The following DZIP1 variants were observed in gnomAD, a reference collection of about 807,000 sequenced individuals.
DZIP1 encodes DAZ interacting zinc finger protein 1.
Under a neutral mutation model 107.6 loss-of-function variants are expected in DZIP1, and 97 were observed. That is an observed-to-expected ratio of 0.90 (90% confidence interval 0.77 to 1.07). DZIP1 has a LOEUF of 1.07. DZIP1 is among the 50% of genes least tolerant of loss of function. DZIP1 has a pLI of 0.00. For synonymous variants in DZIP1, 390 were observed against 386.4 expected (o/e 1.01, Z -0.11); for missense variants, 1,035 against 1,063.6 (o/e 0.97, Z 0.37).
intron 10 of DZIP1, among the ~76,000 whole-genome samples, chr13:95,613,103 A>T (rs2139142770): frequency 6.6e-6 from 1 of 152,338 alleles, no homozygotes; most frequent in Middle Eastern, 3.4e-3. Flanking sequence ...GTCATGGAAG[A>T]TCATAGACTG....
chr13:95,596,632 C>T (rs960049047), intron 15 of DZIP1, among the ~76,000 whole-genome samples: 3 of 152,182 alleles, frequency 2.0e-5, no homozygotes, highest in African/African-American at 7.2e-5. Flanking sequence ...ACTCAACAAC[C>T]TGAAGCAGGC....
intron 14 of DZIP1, among the ~76,000 whole-genome samples, chr13:95,600,793 C>T (rs901230756): frequency 6.6e-6 from 1 of 152,112 alleles, no homozygotes; most frequent in African/African-American, 2.4e-5. Context: ...GTAAAATCAC[C>T]TAACTGCTGA....
In DZIP1 at chr13:95,582,173, A is replaced by T; in HGVS notation, c.*61T>A. 1 of 1,527,090 alleles carries T rather than the reference A, an allele frequency of 6.5e-7. No homozygotes were observed. Among genetic ancestry groups the T allele is most frequent in the Non-Finnish European group, 9.1e-7 (1 of 1,101,438 alleles). 94.6% of individuals were successfully genotyped at this position (1,527,090 alleles called of 1,614,324 possible). ...AGCACTAGAATCATGGAGGCAAATT[A>T]CTGAAACACTGTGATACTGAAATAC... On this transcript the variant is annotated 3_prime_UTR_variant, in exon 23 of 23. Transcript: ENST00000376829.
chr13:95,594,540 C>T (rs1429768254), intron 15 of DZIP1, among the ~76,000 whole-genome samples: 2 of 152,150 alleles, frequency 1.3e-5, no homozygotes, highest in African/African-American at 4.8e-5. Flanking sequence ...TGGCTCACAC[C>T]TGTAATCCCA....
intron 16 of DZIP1, among the ~76,000 whole-genome samples, chr13:95,592,768 A>G (rs2044346979): frequency 6.6e-6 from 1 of 152,228 alleles, no homozygotes; most frequent in Non-Finnish European, 1.5e-5. Flanking sequence ...TATTCACACA[A>G]TAGAATGCTA....
chr13:95,619,146 A>G lies in DZIP1; in HGVS notation c.1173+739T>C, dbSNP rs1594708567. ...GATTAAGTCACTTATGATACATCCAATAAGATCATCATGAAAGTCATTAAA... is the reference window on the plus strand; with the variant it reads ...GATTAAGTCACTTATGATACATCCAGTAAGATCATCATGAAAGTCATTAAA... On this transcript the variant is annotated intron_variant, in intron 10 of 22. Transcript: ENST00000376829. Among the ~76,000 whole-genome samples the G allele has an allele frequency of 2.0e-5, 3 of 152,242 alleles. 1 individual carries two copies. In the East Asian group the frequency reaches 5.8e-4, roughly 29 times the overall value.
At chr13:95,623,433 A>T (rs1400485591) in intron 8 of DZIP1, among the ~76,000 whole-genome samples, 3 of 152,220 alleles carry the variant, frequency 2.0e-5, no homozygotes, top group Admixed American at 2.0e-4. Context: ...AGCCAAGGTC[A>T]ATAGCAACAG....
chr13:95,622,265 GCA>G, intron 9 of DZIP1, 76 bp downstream of exon 9: 1 of 1,573,062 alleles, frequency 6.4e-7, no homozygotes, highest in Admixed American at 1.7e-5. Context: ...CACTTTTTCT[GCA>G]GATGACACTC....
intron 14 of DZIP1, among the ~76,000 whole-genome samples, chr13:95,604,564 G>T (rs1420112182): frequency 1.3e-5 from 2 of 152,200 alleles, no homozygotes; most frequent in Non-Finnish European, 2.9e-5. Flanking sequence ...GGCTAGTGAG[G>T]GTAGGGTCCC....
Position 95,609,536 on chromosome 13 carries a change from G to T in DZIP1, c.1364-23C>A. On this transcript the variant is annotated intron_variant, in intron 12 of 22. Transcript: ENST00000376829. ...TTCCTGAAATGACAGAAAAATAAAT[G>T]AACAAAAAACATCACAAGCTATGGA... 3 of 1,556,432 alleles carry T rather than the reference G, an allele frequency of 1.9e-6. No individual in the cohort carries two copies. In the South Asian group the frequency reaches 3.7e-5, roughly 19 times the overall value.
intron 5 of DZIP1, among the ~76,000 whole-genome samples, chr13:95,639,638 ATCT>A (rs1364338910): frequency 2.0e-5 from 3 of 150,340 alleles, no homozygotes; most frequent in African/African-American, 7.3e-5. Context: ...AAGAAAGAAA[ATCT>A]TCTCTTATAA....
Position 95,641,861 on chromosome 13 carries a change from G to C in DZIP1, c.37-6C>G, listed in dbSNP as rs1030123595. The C allele has an allele frequency of 2.1e-6, 3 of 1,446,932 alleles. No individual in the cohort carries two copies. Among genetic ancestry groups the C allele is most frequent in the Admixed American group, 3.1e-5 (1 of 32,542 alleles). The allele number at this position is 1,446,932 out of a possible 1,614,324, so 89.6% of individuals were successfully genotyped here. ...TAGACATGCTTCTGGAAGGGCTGCGGGGGGCACAAAGAGAGCGCGGCGGGA... is the reference window on the plus strand; with the variant it reads ...TAGACATGCTTCTGGAAGGGCTGCGCGGGGCACAAAGAGAGCGCGGCGGGA... On this transcript the variant is annotated splice_polypyrimidine_tract_variant and splice_region_variant and intron_variant, in intron 4 of 22. Transcript: ENST00000376829. The surrounding 1 kb of genome is among the most constrained non-coding windows in gnomAD (Gnocchi z 4.3).
intron 7 of DZIP1, among the ~76,000 whole-genome samples, chr13:95,628,451 T>C (rs1415072051): frequency 6.6e-6 from 1 of 152,178 alleles, no homozygotes; most frequent in African/African-American, 2.4e-5. Flanking sequence ...TTAATGGGTA[T>C]GGGTTATTTT....
intron 14 of DZIP1, among the ~76,000 whole-genome samples, chr13:95,603,018 G>A (rs1175529404): frequency 1.3e-5 from 2 of 152,136 alleles, no homozygotes; most frequent in Non-Finnish European, 2.9e-5. Flanking sequence ...TAATTGTAAA[G>A]TCTAATAAAA....
chr13:95,600,579 AGATAGATAGAT>A (rs1407669894), intron 14 of DZIP1, among the ~76,000 whole-genome samples: 2 of 77,888 alleles, frequency 2.6e-5, no homozygotes, highest in Non-Finnish European at 7.9e-5. Flanking sequence ...TGATAGAGAT[AGATAGATAGAT>A]GATAGATAGA....
rs2044283828 is a variant in DZIP1, at chr13:95,590,500, T to C, written c.1681-59A>G. On this transcript the variant is annotated intron_variant, in intron 16 of 22. Coordinates refer to ENST00000376829, the MANE Select transcript of DZIP1 (RefSeq NM_198968.4). ...CCTGGGAGGTTTCATTTCATGGGCA[T>C]ATATCAGCATTAACTGTGCCAACAT... The C allele has an allele frequency of 9.3e-6, 14 of 1,502,860 alleles. No homozygotes were observed. In the Admixed American group the frequency reaches 1.9e-4, roughly 21 times the overall value. 93.1% of individuals were successfully genotyped at this position (1,502,860 alleles called of 1,614,324 possible). A position where few individuals can be genotyped will look rare whatever the true frequency, so the allele number is the denominator to read the frequency against.
chr13:95,636,563 GA>G (rs961818587), intron 5 of DZIP1, among the ~76,000 whole-genome samples: 6 of 131,956 alleles, frequency 4.5e-5, no homozygotes, highest in African/African-American at 1.7e-4. Context: ...AAAAAAAATA[GA>G]AAAAAAGAAA....
At chr13:95,636,265 G>A (rs191271543) in intron 5 of DZIP1, among the ~76,000 whole-genome samples, 194 of 151,786 alleles carry the variant, frequency 1.3e-3, no homozygotes, top group Admixed American at 4.9e-3. Flanking sequence ...GAATAGGGCC[G>A]GGTGCAGTGG....
At chr13:95,625,186 T>C (rs557080921) in intron 7 of DZIP1, among the ~76,000 whole-genome samples, 1 of 152,330 alleles carries the variant, frequency 6.6e-6, no homozygotes, top group South Asian at 2.1e-4. Context: ...GCTTTTTGTG[T>C]TCTATGAACT....
Sources: gnomAD v4.1 joint callset for allele counts (sites outside exome capture counted in the v4.1 genomes callset) on GRCh38, gnomAD v4.1.1 for gene constraint, Gnocchi (gnomAD v3.1) non-coding constraint, MANE v1.5 for transcripts, NCBI Gene and HGNC (gene_info 2026-07-23, HGNC 2026-07-21) for gene names.